PCDH15: variants seen among roughly 807,000 people sequenced by gnomAD.
PCDH15 encodes protocadherin related 15, also known as protocadherin-15.
In PCDH15, 129 loss-of-function variants were observed where a neutral mutation model predicts 178.5. The observed-to-expected ratio is 0.72, with a 90% CI of 0.63 to 0.84. The LOEUF is 0.84. Ranked by LOEUF, PCDH15 falls within the 40% of genes least tolerant of loss-of-function variation. PCDH15 has a pLI of 0.00. For synonymous variants in PCDH15, 800 were observed against 732.0 expected (o/e 1.09, Z -1.50); for missense variants, 2,230 against 2,099.9 (o/e 1.06, Z -1.21).
intron 25 of PCDH15, among the ~76,000 whole-genome samples, chr10:53,904,426 T>C (rs1244507756): frequency 6.6e-6 from 1 of 151,860 alleles, no homozygotes; most frequent in Non-Finnish European, 1.5e-5. Flanking sequence ...TTGAATAAAT[T>C]AATGAATGAA....
At chr10:54,680,155 ATGTAC>A (rs2094872582) in intron 1 of PCDH15, among the ~76,000 whole-genome samples, 2 of 152,194 alleles carry the variant, frequency 1.3e-5, no homozygotes, top group South Asian at 4.1e-4. Flanking sequence ...CTTGGGACAG[ATGTAC>A]TGTGGTAAAT....
chr10:55,564,444 C>T (rs1028388533), intron 2 of PCDH15, among the ~76,000 whole-genome samples: 1 of 151,078 alleles, frequency 6.6e-6, no homozygotes, highest in Non-Finnish European at 1.5e-5. Context: ...AATATAAATT[C>T]AATACTAAAA....
Position 54,242,130 on chromosome 10 carries a change from T to TA in PCDH15, c.877-5200_877-5199insT, listed in dbSNP as rs2055394419. Among the ~76,000 whole-genome samples the TA allele has an allele frequency of 6.9e-4, 22 of 31,682 alleles. 4 individuals carry two copies. The highest frequency in any genetic ancestry group is 2.5e-3 in the South Asian group (2 of 796). 20.8% of individuals were successfully genotyped at this position (31,682 alleles called of 152,430 possible). ...TGAACTTTTGGTCTGAATTCTATTT[T>TA]TATATATATATATATATATATATAT... On this transcript the variant is annotated intron_variant, in intron 8 of 37. Transcript: ENST00000644397.
In PCDH15 at chr10:55,444,100, C is replaced by T. The variant is rs2132073105; in HGVS notation, c.-156+183525G>A. Among the ~76,000 whole-genome samples the T allele has an allele frequency of 2.8e-5, 4 of 145,152 alleles. No homozygotes were observed. In the Middle Eastern group the frequency reaches 0.011, roughly 394 times the overall value. Reference sequence around the variant, plus strand: ...GTTGAACAATGAGAACATATGGGCACAGGGAGAGGAACATCACACACCGGG... The same window carrying T: ...GTTGAACAATGAGAACATATGGGCATAGGGAGAGGAACATCACACACCGGG... On this transcript the variant is annotated intron_variant, in intron 2 of 5. Coordinates refer to the PCDH15 transcript ENST00000613346.
chr10:55,261,648 C>T (rs951154175), intron 1 of PCDH15, among the ~76,000 whole-genome samples: 4 of 152,044 alleles, frequency 2.6e-5, no homozygotes, highest in African/African-American at 4.8e-5. Flanking sequence ...TTTGATCTCC[C>T]GAGAATCATT....
intron 1 of PCDH15, among the ~76,000 whole-genome samples, chr10:55,281,721 T>G (rs1842739017): frequency 6.6e-6 from 1 of 152,286 alleles, no homozygotes; most frequent in South Asian, 2.1e-4. Flanking sequence ...AAAACTTAAA[T>G]TCTTCAAAGA....
intron 3 of PCDH15, among the ~76,000 whole-genome samples, chr10:54,381,477 C>T (rs947595194): frequency 2.0e-5 from 3 of 152,040 alleles, no homozygotes; most frequent in African/African-American, 4.8e-5. Flanking sequence ...TCCCTTTTTG[C>T]CAATAAACCT....
At chr10:55,224,691 GTGT>G (rs1016188535) in intron 1 of PCDH15, among the ~76,000 whole-genome samples, 4 of 152,082 alleles carry the variant, frequency 2.6e-5, no homozygotes, top group African/African-American at 9.7e-5. Context: ...GAATGAATAA[GTGT>G]TGTTCTTTTG....
chr10:55,020,740 G>A (rs184905823), intron 2 of PCDH15, among the ~76,000 whole-genome samples: 2 of 152,202 alleles, frequency 1.3e-5, no homozygotes, highest in East Asian at 3.9e-4. Flanking sequence ...ATGTTTTACA[G>A]ATGAGAAAAT....
intron 3 of PCDH15, among the ~76,000 whole-genome samples, chr10:54,851,514 AAC>A (rs1431851927): frequency 6.6e-6 from 1 of 152,210 alleles, no homozygotes; most frequent in Non-Finnish European, 1.5e-5. Flanking sequence ...AATATAAACT[AAC>A]ACAAGCCCTT....
chr10:55,442,459 A>ATATATATATAT (rs1380226462), intron 2 of PCDH15, among the ~76,000 whole-genome samples: 3 of 71,442 alleles, frequency 4.2e-5, no homozygotes, highest in South Asian at 4.7e-4. Context: ...ATTTGATTAT[A>ATATATATATAT]TATATATATA....
intron 3 of PCDH15, among the ~76,000 whole-genome samples, chr10:54,508,495 T>G (rs1056561868): frequency 6.6e-6 from 1 of 152,088 alleles, no homozygotes; most frequent in African/African-American, 2.4e-5. Flanking sequence ...CTACTAAATG[T>G]CATAGCATAA....
intron 1 of PCDH15, among the ~76,000 whole-genome samples, chr10:54,727,759 CT>C (rs994220164): frequency 4.2e-4 from 64 of 151,584 alleles, no homozygotes; most frequent in African/African-American, 1.5e-3. Flanking sequence ...GATATTACCA[CT>C]GATTTCAAAG....
intron 3 of PCDH15, among the ~76,000 whole-genome samples, chr10:54,860,950 TC>T: frequency 6.6e-6 from 1 of 152,298 alleles, no homozygotes; most frequent in Non-Finnish European, 1.5e-5. Context: ...TAGGGAATCT[TC>T]TTTTTAATGG....
chr10:55,326,520 A>G (rs1018200781), intron 2 of PCDH15, among the ~76,000 whole-genome samples: 2 of 152,068 alleles, frequency 1.3e-5, no homozygotes, highest in Non-Finnish European at 2.9e-5. Flanking sequence ...TATAACAAAC[A>G]TGCACATGTA....
intron 10 of PCDH15, among the ~76,000 whole-genome samples, chr10:54,207,249 T>C (rs1591170915): frequency 6.6e-6 from 1 of 152,118 alleles, no homozygotes; most frequent in African/African-American, 2.4e-5. Context: ...TTAGCTTCCA[T>C]AATTGGCATA....
At chr10:54,715,581 T>C (rs895090093) in intron 1 of PCDH15, among the ~76,000 whole-genome samples, 2 of 152,084 alleles carry the variant, frequency 1.3e-5, no homozygotes, top group African/African-American at 4.8e-5. Flanking sequence ...TAAAACGATA[T>C]GGGTGCAGTG....
At chr10:54,372,415 C>T (rs1278354267) in intron 4 of PCDH15, among the ~76,000 whole-genome samples, 1 of 151,866 alleles carries the variant, frequency 6.6e-6, no homozygotes, top group Non-Finnish European at 1.5e-5. Flanking sequence ...CTGTTAGTGG[C>T]ATGGCTAGAA....
intron 13 of PCDH15, among the ~76,000 whole-genome samples, chr10:54,157,098 A>C (rs1347933888): frequency 6.6e-6 from 1 of 152,144 alleles, no homozygotes; most frequent in African/African-American, 2.4e-5. Context: ...TGCATAGTAC[A>C]AGCTGTAGGT....
Sources: gnomAD v4.1 joint callset for allele counts (sites outside exome capture counted in the v4.1 genomes callset) on GRCh38, gnomAD v4.1.1 for gene constraint, MANE v1.5 for transcripts, NCBI Gene and HGNC (gene_info 2026-07-23, HGNC 2026-07-21) for gene names.